PSTPIP1: variants seen among roughly 807,000 people sequenced by gnomAD.
PSTPIP1 encodes proline-serine-threonine phosphatase-interacting protein 1.
In PSTPIP1, 66 loss-of-function variants were observed where a neutral mutation model predicts 69.6. The observed-to-expected ratio is 0.95, with a 90% CI of 0.78 to 1.16. PSTPIP1 has a LOEUF of 1.16. Among genes scored for constraint, PSTPIP1 ranks in the 50% most tolerant of loss-of-function variants. PSTPIP1 has a pLI of 0.00. For missense variants in PSTPIP1, 603 were observed against 557.4 expected (o/e 1.08, Z -0.82); for synonymous variants, 266 against 222.7 (o/e 1.19, Z -1.73).
At chr15:77,021,812 T>C (rs980943033) in intron 3 of PSTPIP1, among the ~76,000 whole-genome samples, 1 of 152,160 alleles carries the variant, frequency 6.6e-6, no homozygotes, top group African/African-American at 2.4e-5. Flanking sequence ...GCCCTGTTGC[T>C]CCCCTGCCCA....
intron 8 of PSTPIP1, among the ~76,000 whole-genome samples, chr15:77,029,867 C>G (rs1230218375): frequency 6.6e-6 from 1 of 152,140 alleles, no homozygotes; most frequent in Non-Finnish European, 1.5e-5. Context: ...AGTACTTGCC[C>G]CAGGTTACAG....
intron 6 of PSTPIP1, among the ~76,000 whole-genome samples, chr15:77,028,165 G>A (rs1376663337): frequency 6.6e-6 from 1 of 152,058 alleles, no homozygotes; most frequent in Non-Finnish European, 1.5e-5. Flanking sequence ...AAGTCAGCTG[G>A]GGACTCCAGG....
rs764284079 is a variant in PSTPIP1, at chr15:77,037,087, G to A, written c.1162G>A (p.Val388Met). Residue 388 changes from valine (V) to methionine (M), a missense_variant, in exon 15 of 15, where the codon GTG becomes ATG. By Grantham distance (21) the Val-to-Met change is conservative. Coordinates refer to ENST00000558012, the MANE Select transcript of PSTPIP1 (RefSeq NM_003978.5). ...LDLSAGDILE[V>M]ILEGEDGWWT... The stretch of plus-strand genomic sequence containing the variant: ...CCTGTCCGCGGGAGACATCCTGGAG[G>A]TGATCCTGGAAGGGGAGGATGGCTG... The A allele has an allele frequency of 4.3e-6, 7 of 1,612,438 alleles. No individual in the cohort carries two copies. Among genetic ancestry groups the A allele is most frequent in the Middle Eastern group, 3.3e-4 (2 of 6,058 alleles).
rs768720816 is a variant in PSTPIP1, at chr15:76,995,514, G to A, written c.-60G>A. The A allele has an allele frequency of 1.6e-5, 26 of 1,612,936 alleles. No homozygotes were observed. The Admixed American group carries it at 2.2e-4, about 13-fold the overall frequency. On this transcript the variant is annotated 5_prime_UTR_variant, in exon 1 of 15. Coordinates refer to ENST00000558012, the MANE Select transcript of PSTPIP1 (RefSeq NM_003978.5). ...ACTGGGACGCTGCTGCTGGCGCCTG[G>A]CCCTCCATCAGGCCAGCCTGTGGCA...
At chr15:77,015,456 G>T (rs2076029142) in intron 1 of PSTPIP1, among the ~76,000 whole-genome samples, 1 of 152,150 alleles carries the variant, frequency 6.6e-6, no homozygotes, top group Non-Finnish European at 1.5e-5. Flanking sequence ...AGGTAGACTT[G>T]ATAAATAGAG....
chr15:77,037,069 G>A lies in PSTPIP1; in HGVS notation c.1144G>A (p.Ala382Thr), dbSNP rs145344175. The change falls in exon 15 of 15, where the codon GCG (alanine) becomes ACG (threonine). Residue 382 changes from alanine (A) to threonine (T), a missense_variant. By Grantham distance (58) the Ala-to-Thr change is moderately conservative. Transcript: ENST00000558012. ...GAACCCAGATGAGCTGGACCTGTCC[G>A]CGGGAGACATCCTGGAGGTGATCCT... ...AQNPDELDLS[A>T]GDILEVILEG... 1,357 of 1,612,252 alleles carry A rather than the reference G, an allele frequency of 8.4e-4. 9 individuals carry two copies. The African/African-American group carries it at 0.016, about 19-fold the overall frequency.
In PSTPIP1 at chr15:77,027,723, G is replaced by A. The variant is rs1181865326; in HGVS notation, c.355-129G>A. 5.6e-6 allele frequency: 6 copies of A among 1,066,000 alleles called. No homozygotes were observed. Among genetic ancestry groups the A allele is most frequent in the Non-Finnish European group, 8.4e-6 (6 of 711,550 alleles). 66.0% of individuals were successfully genotyped at this position (1,066,000 alleles called of 1,614,324 possible). A position where few individuals can be genotyped will look rare whatever the true frequency, so the allele number is the denominator to read the frequency against. On this transcript the variant is annotated intron_variant, in intron 5 of 14. Coordinates refer to ENST00000558012, the MANE Select transcript of PSTPIP1 (RefSeq NM_003978.5). The surrounding 1 kb of genome is among the most constrained non-coding windows in gnomAD (Gnocchi z 4.3). ...AGCAGCAGGCTCTGGGGGAGGGAGG[G>A]CAGCCTGTCACCCTCTCTCCAGAGC... is the stretch of plus-strand genomic sequence containing the variant.
At chr15:77,017,296 A>G (rs2076070382) in intron 1 of PSTPIP1, among the ~76,000 whole-genome samples, 1 of 152,176 alleles carries the variant, frequency 6.6e-6, no homozygotes, top group South Asian at 2.1e-4. Context: ...CCACACCAGC[A>G]GCTCAGACAC....
chr15:77,013,406 T>TG (rs1055546406), intron 1 of PSTPIP1, among the ~76,000 whole-genome samples: 37 of 152,096 alleles, frequency 2.4e-4, no homozygotes, highest in African/African-American at 7.5e-4. Flanking sequence ...GGGGTCTCCA[T>TG]GGGGGGGTGG....
At chr15:77,028,742 G>A in intron 7 of PSTPIP1, 90 bp downstream of exon 7, 2 of 1,122,666 alleles carry the variant, frequency 1.8e-6, no homozygotes, top group Non-Finnish European at 2.5e-6. Flanking sequence ...CCCCAGGCAA[G>A]ATCTGCATCT....
At chr15:76,998,632 C>T (rs566934838) in intron 1 of PSTPIP1, among the ~76,000 whole-genome samples, 1 of 152,244 alleles carries the variant, frequency 6.6e-6, no homozygotes, top group East Asian at 1.9e-4. Flanking sequence ...TACGAAAGGA[C>T]GTTTCACAGG....
At chr15:77,035,351 C>T (rs188548246) in intron 12 of PSTPIP1, among the ~76,000 whole-genome samples, 157 bp from the exon 13 acceptor site, 27 of 152,274 alleles carry the variant, frequency 1.8e-4, no homozygotes, top group African/African-American at 6.0e-4. Context: ...GCCTGAGGGG[C>T]ACCTCATAAA....
chr15:77,034,405 G>A (rs12438566), intron 12 of PSTPIP1, among the ~76,000 whole-genome samples: 37,177 of 151,944 alleles, frequency 0.24, 5,898 homozygotes, highest in East Asian at 0.52. Flanking sequence ...GCATGTGTGT[G>A]CACTCCTGGG....
intron 7 of PSTPIP1, among the ~76,000 whole-genome samples, chr15:77,029,121 C>G (rs2076355252): frequency 6.6e-6 from 1 of 152,236 alleles, no homozygotes; most frequent in Non-Finnish European, 1.5e-5. Context: ...GTGGGGGTAT[C>G]AGAGCTCCCA....
chr15:77,036,508 C>T (rs546090571), intron 14 of PSTPIP1, among the ~76,000 whole-genome samples: 1 of 152,278 alleles, frequency 6.6e-6, no homozygotes, highest in South Asian at 2.1e-4. Flanking sequence ...GTCCTTTCTG[C>T]TCCCTGCTTG....
chr15:77,029,638 C>T (rs2076368374), intron 8 of PSTPIP1, 64 bp downstream of exon 8: 1 of 1,473,340 alleles, frequency 6.8e-7, no homozygotes, highest in East Asian at 2.5e-5. Context: ...CCCACACACA[C>T]CTCCTCACCC....
chr15:77,031,355 G>A (rs957872905), intron 10 of PSTPIP1, 77 bp downstream of exon 10: 12 of 1,461,666 alleles, frequency 8.2e-6, no homozygotes, highest in African/African-American at 7.0e-5. Flanking sequence ...CATCTGAGCC[G>A]GTCAACAAGC....
At chr15:77,017,840 G>A (rs2076082506) in intron 1 of PSTPIP1, among the ~76,000 whole-genome samples, 1 of 152,210 alleles carries the variant, frequency 6.6e-6, no homozygotes, top group Non-Finnish European at 1.5e-5. Flanking sequence ...CTTAAGGGTG[G>A]CTCTTCCCAT....
intron 11 of PSTPIP1, 178 bp downstream of exon 11, chr15:77,032,572 C>T (rs2076447507): frequency 4.5e-6 from 3 of 673,012 alleles, no homozygotes; most frequent in Admixed American, 2.8e-5. Context: ...TCCTCTCAGG[C>T]AAAGCTAAGG....
Sources: gnomAD v4.1 joint callset for allele counts (sites outside exome capture counted in the v4.1 genomes callset) on GRCh38, gnomAD v4.1.1 for gene constraint, Gnocchi (gnomAD v3.1) non-coding constraint, MANE v1.5 for transcripts, NCBI Gene and HGNC (gene_info 2026-07-23, HGNC 2026-07-21) for gene names.